DTX1: variants seen among roughly 807,000 people sequenced by gnomAD.
DTX1 encodes deltex E3 ubiquitin ligase 1, also known as E3 ubiquitin-protein ligase DTX1.
In DTX1, 26 loss-of-function variants were observed where a neutral mutation model predicts 57.8. The ratio of observed to expected loss-of-function variants is 0.45; its 90% CI spans 0.33 to 0.62. The LOEUF (loss-of-function observed/expected upper bound fraction) is 0.62, where lower values mean the gene tolerates loss of function less well. DTX1 is among the 20% of genes least tolerant of loss of function. The pLI, the probability that DTX1 is intolerant of heterozygous loss-of-function variation, is 0.02. For missense variants in DTX1, 704 were observed against 895.3 expected, an observed-to-expected ratio of 0.79 and a Z score of 2.73; for synonymous variants, 398 against 394.1, an observed-to-expected ratio of 1.01 and a Z score of -0.12.
chr12:113,089,081 T>C (rs970756450), intron 3 of DTX1, among the ~76,000 whole-genome samples: 2 of 152,186 alleles, frequency 1.3e-5, no homozygotes, highest in Non-Finnish European at 2.9e-5. Flanking sequence ...AGCAGAGACC[T>C]GTGCTAAGTG....
At chr12:113,061,093 T>C (rs2044660519) in intron 2 of DTX1, among the ~76,000 whole-genome samples, 2 of 152,172 alleles carry the variant, frequency 1.3e-5, no homozygotes, top group African/African-American at 4.8e-5. Flanking sequence ...CTCTCAATAG[T>C]ACCCCTTTTA....
intron 3 of DTX1, among the ~76,000 whole-genome samples, chr12:113,081,529 G>A (rs1004650810): frequency 2.0e-5 from 3 of 152,166 alleles, no homozygotes; most frequent in African/African-American, 7.2e-5. Flanking sequence ...CAAGCAAAGA[G>A]TAAATGAAGA....
chr12:113,079,694 CTGTGTGTG>C (rs71086139), intron 3 of DTX1, among the ~76,000 whole-genome samples: 475 of 132,390 alleles, frequency 3.6e-3, no homozygotes, highest in Middle Eastern at 0.011. Flanking sequence ...TTCCCGGCTA[CTGTGTGTG>C]TGTGTGTGTG....
At position 113,094,061 on chromosome 12, in the gene DTX1, C is replaced by T. The variant is rs747945791; in HGVS notation, c.1189C>T (p.Arg397Ter). ...KKSKNPEDVV[R>*]RYMQKVKNPP... ...AGGTAAGAATCCCGAGGATGTGGTT[C>T]GAAGATACATGCAGAAGGTGAAAAA... Residue 397 changes from arginine to a stop codon, truncating the protein, a stop_gained, in exon 6 of 10, where the codon CGA (arginine) becomes TGA (stop). Coordinates refer to ENST00000548759, the MANE Select transcript of DTX1 (RefSeq NM_004416.3). LOFTEE classifies it high-confidence loss of function. 6.4e-7 allele frequency: 1 copy of T among 1,573,298 alleles called. No homozygotes were observed. The highest frequency in any genetic ancestry group is 8.6e-7 in the Non-Finnish European group (1 of 1,158,576).
At chr12:113,091,764 C>CG (rs1194870828) in intron 3 of DTX1, among the ~76,000 whole-genome samples, 2 of 152,184 alleles carry the variant, frequency 1.3e-5, no homozygotes, top group Non-Finnish European at 2.9e-5. Context: ...TGAACAGGCA[C>CG]GGCCAGAGCC....
intron 2 of DTX1, among the ~76,000 whole-genome samples, chr12:113,065,651 C>CTGGAGTAGGGGAGGTGATGCGGAAG (rs1261686289): frequency 6.6e-6 from 1 of 152,082 alleles, no homozygotes; most frequent in Non-Finnish European, 1.5e-5. Context: ...AGCGTGGGGG[C>CTGGAGTAGGGGAGGTGATGCGGAAG]TGGAGTAGGG....
chr12:113,089,013 T>C (rs1393317917), intron 3 of DTX1, among the ~76,000 whole-genome samples: 1 of 152,216 alleles, frequency 6.6e-6, no homozygotes, highest in Non-Finnish European at 1.5e-5. Flanking sequence ...AGATCTTGTC[T>C]ATAAATAAAT....
chr12:113,058,783 T>TA (rs2044648072), intron 2 of DTX1, among the ~76,000 whole-genome samples: 1 of 152,180 alleles, frequency 6.6e-6, no homozygotes, highest in Non-Finnish European at 1.5e-5. Context: ...AGAACAGCAG[T>TA]AGCATGGGAT....
chr12:113,062,353 A>G (rs2044671068), intron 2 of DTX1, among the ~76,000 whole-genome samples: 3 of 152,246 alleles, frequency 2.0e-5, no homozygotes, highest in Non-Finnish European at 2.9e-5. Context: ...ACAATATGTA[A>G]GTGAATGCGT....
In DTX1 at chr12:113,087,140, G is replaced by A. The variant is rs1002339844; in HGVS notation, c.942-6022G>A. Among the ~76,000 whole-genome samples the A allele has an allele frequency of 1.5e-4, 22 of 149,078 alleles. 1 individual carries two copies. The East Asian group carries it at 2.1e-3, about 14-fold the overall frequency. On this transcript the variant is annotated intron_variant, in intron 3 of 9. Coordinates refer to ENST00000548759, the MANE Select transcript of DTX1 (RefSeq NM_004416.3). ...CCGGGAGGGTTGAAGAGTGACCCCC[G>A]CAGCCCCCATACCTCTAGATAAATC...
At chr12:113,072,615 T>G (rs998515269) in intron 2 of DTX1, among the ~76,000 whole-genome samples, 1 of 152,120 alleles carries the variant, frequency 6.6e-6, no homozygotes, top group Non-Finnish European at 1.5e-5. Flanking sequence ...GGGGTAGATA[T>G]TAATACCCCC....
chr12:113,089,547 CAGG>C (rs202121236), intron 3 of DTX1, among the ~76,000 whole-genome samples: 1,865 of 152,250 alleles, frequency 0.012, 135 homozygotes, highest in Admixed American at 0.11. Flanking sequence ...CTTGTCCAGG[CAGG>C]AGGATGTTCT....
At chr12:113,088,232 A>G (rs1950219413) in intron 3 of DTX1, among the ~76,000 whole-genome samples, 1 of 152,246 alleles carries the variant, frequency 6.6e-6, no homozygotes, top group South Asian at 2.1e-4. Flanking sequence ...AATGACAAAT[A>G]GAGTTCATCT....
chr12:113,093,649 C>G lies in DTX1; in HGVS notation c.1114C>G (p.Pro372Ala), dbSNP rs757929003. 1.9e-6 allele frequency: 3 copies of G among 1,613,730 alleles called. No homozygotes were observed. Among genetic ancestry groups the G allele is most frequent in the South Asian group, 2.2e-5 (2 of 91,070 alleles). ...GAGCAAGAGCGACGTGAAGCCCGTG[C>G]CTGGCGTGCCCGGGGTGTGCCGCAA... ...PVSKSDVKPV[P>A]GVPGVCRKTK... Residue 372 changes from proline to alanine, a missense_variant, in exon 5 of 10, where the codon CCT becomes GCT. Physicochemically the swap from Pro to Ala is conservative, Grantham distance 27 (BLOSUM62 -1). Coordinates refer to ENST00000548759, the MANE Select transcript of DTX1 (RefSeq NM_004416.3). The surrounding 1 kb of genome is among the most constrained non-coding windows in gnomAD (Gnocchi z 4.2).
At chr12:113,069,137 T>C (rs1376240342) in intron 2 of DTX1, among the ~76,000 whole-genome samples, 1 of 152,224 alleles carries the variant, frequency 6.6e-6, no homozygotes, top group Non-Finnish European at 1.5e-5. Flanking sequence ...TGGGAGTGTT[T>C]ATTATCATTA....
chr12:113,062,051 AC>A (rs2044668371), intron 2 of DTX1, among the ~76,000 whole-genome samples: 1 of 151,884 alleles, frequency 6.6e-6, no homozygotes, highest in African/African-American at 2.4e-5. Flanking sequence ...ACACACACAC[AC>A]ACACACACAC....
intron 2 of DTX1, among the ~76,000 whole-genome samples, chr12:113,061,498 G>A (rs982205650): frequency 2.6e-5 from 4 of 152,322 alleles, no homozygotes; most frequent in South Asian, 2.1e-4. Context: ...GAGTGCCAAC[G>A]GTGTGACCTC....
At chr12:113,092,837 G>T (rs535634572) in intron 3 of DTX1, among the ~76,000 whole-genome samples, 4 of 152,328 alleles carry the variant, frequency 2.6e-5, no homozygotes, top group Non-Finnish European at 5.9e-5. Context: ...TAGTAGTTGG[G>T]TTTCAGGCAC....
intron 2 of DTX1, among the ~76,000 whole-genome samples, chr12:113,065,393 G>T (rs73427738): frequency 0.063 from 9,656 of 152,152 alleles, 618 homozygotes; most frequent in East Asian, 0.38. Context: ...TCCCAGGCTC[G>T]CCCGGGCCAC....
Sources: allele counts gnomAD v4.1 joint callset (sites outside exome capture counted in the v4.1 genomes callset), GRCh38; gene constraint gnomAD v4.1.1; non-coding constraint Gnocchi (gnomAD v3.1); transcripts MANE v1.5; gene names NCBI Gene and HGNC (gene_info 2026-07-23, HGNC 2026-07-21).